The following DNPEP variants were observed in gnomAD, a reference collection of about 807,000 sequenced individuals.
DNPEP encodes the protein aspartyl aminopeptidase.
A neutral mutation model predicts 59.1 loss-of-function variants in DNPEP; 46 were observed. The ratio of observed to expected loss-of-function variants is 0.78; its 90% CI spans 0.61 to 0.99. The LOEUF (loss-of-function observed/expected upper bound fraction) is 0.99. Among genes scored for constraint, DNPEP ranks in the 50% least tolerant of loss-of-function variants. The pLI, the probability that DNPEP is intolerant of heterozygous loss-of-function variation, is 0.00. For synonymous variants in DNPEP, 229 were observed against 242.2 expected (o/e 0.95, Z 0.50); for missense variants, 617 against 649.9 (o/e 0.95, Z 0.55).
At chr2:219,383,051 GC>G (rs1324325585) in intron 10 of DNPEP, 79 bp downstream of exon 10, 3 of 1,363,410 alleles carry the variant, frequency 2.2e-6, no homozygotes, top group Admixed American at 1.8e-5. Flanking sequence ...AAGAGCCCTG[GC>G]TCACGGTGGA....
rs910747097 is a variant in DNPEP, at chr2:219,373,226, G to A, written c.*1066C>T. 1.5e-4 allele frequency among the ~76,000 whole-genome samples: 23 copies of A among 151,364 alleles called. No homozygotes were observed. The highest frequency in any genetic ancestry group is 5.6e-4 in the African/African-American group (23 of 41,108). The stretch of plus-strand genomic sequence containing the variant: ...TGAGATTACAGGCATGTGCCACCAC[G>A]CCCGGCTAATTTTGTATTTTTAGCA... On this transcript the variant is annotated 3_prime_UTR_variant, in exon 15 of 15. Transcript: ENST00000273075.
chr2:219,387,923 C>T (rs1953924295), upstream of DNPEP: 8 of 1,370,366 alleles, frequency 5.8e-6, no homozygotes, highest in Non-Finnish European at 7.5e-6. Context: ...CCCGGCCGCG[C>T]CGCCCCGCCC....
chr2:219,375,295 C>T (rs1953326413), intron 13 of DNPEP, among the ~76,000 whole-genome samples: 1 of 152,108 alleles, frequency 6.6e-6, no homozygotes, highest in African/African-American at 2.4e-5. Flanking sequence ...CACCCTCTTG[C>T]TTAATATCCA....
chr2:219,375,111 G>A (rs762892537), intron 13 of DNPEP, 89 bp from the exon 14 acceptor site: 201 of 1,414,578 alleles, frequency 1.4e-4, no homozygotes, highest in Admixed American at 1.8e-4. Flanking sequence ...AGGGTGGGAA[G>A]GGGCCTGGGA....
In DNPEP at chr2:219,373,741, A is replaced by G. The variant is rs2125122047; in HGVS notation, c.*551T>C. On this transcript the variant is annotated 3_prime_UTR_variant, in exon 15 of 15. Coordinates refer to ENST00000273075, the MANE Select transcript of DNPEP (RefSeq NM_012100.4). The stretch of plus-strand genomic sequence containing the variant: ...TGTTCACAATCAAGTAATACCAGGG[A>G]CTGCTGAGAAGTGGATGATGAAGGG... 6.5e-6 allele frequency: 1 copy of G among 153,046 alleles called. No homozygotes were observed. Among genetic ancestry groups the G allele is most frequent in the Admixed American group, 6.5e-5 (1 of 15,318 alleles). The allele number at this position is 153,046 out of a possible 1,614,324, so 9.5% of individuals were successfully genotyped here. A position where few individuals can be genotyped will look rare whatever the true frequency, so the allele number is the denominator to read the frequency against.
chr2:219,381,082 A>G (rs1330951455), intron 13 of DNPEP, among the ~76,000 whole-genome samples: 2 of 152,202 alleles, frequency 1.3e-5, no homozygotes, highest in African/African-American at 4.8e-5. Context: ...AGGCATCACT[A>G]TCACCCCTAT....
chr2:219,387,037 C>A, intron 2 of DNPEP, 33 bp downstream of exon 2: 2 of 1,611,750 alleles, frequency 1.2e-6, no homozygotes, highest in Non-Finnish European at 1.7e-6. Context: ...GCATCAGCCT[C>A]CACCCTCCTC....
chr2:219,380,981 C>G (rs1352043468), intron 13 of DNPEP, among the ~76,000 whole-genome samples: 1 of 152,256 alleles, frequency 6.6e-6, no homozygotes, highest in Non-Finnish European at 1.5e-5. Context: ...GTAGGAGACA[C>G]AGGGGAAGTG....
intron 13 of DNPEP, among the ~76,000 whole-genome samples, chr2:219,377,071 C>T (rs1413911014): frequency 2.6e-5 from 4 of 151,860 alleles, no homozygotes; most frequent in Admixed American, 2.0e-4. Flanking sequence ...GTCAGGAGTT[C>T]AAGACCAGTC....
intron 14 of DNPEP, 21 bp from the exon 15 acceptor site, chr2:219,374,363 G>A: frequency 2.5e-6 from 4 of 1,612,496 alleles, no homozygotes; most frequent in Non-Finnish European, 2.5e-6. Context: ...AGGCAACATG[G>A]AGTTTGGAAT....
chr2:219,383,236 G>A (rs376116443), intron 9 of DNPEP, 22 bp from the exon 10 acceptor site: 74 of 1,607,414 alleles, frequency 4.6e-5, no homozygotes, highest in Non-Finnish European at 6.1e-5. Flanking sequence ...AAGGAAATGA[G>A]AGCATCATCT....
chr2:219,381,647 C>T, intron 11 of DNPEP, 63 bp from the exon 12 acceptor site: 2 of 1,532,418 alleles, frequency 1.3e-6, no homozygotes, highest in Non-Finnish European at 1.8e-6. Context: ...CACTCACCAC[C>T]CTCCCATGGC....
At chr2:219,390,328 G>A (rs536394813), upstream of DNPEP, among the ~76,000 whole-genome samples, 21 of 152,238 alleles carry the variant, frequency 1.4e-4, no homozygotes, top group South Asian at 4.1e-3. Context: ...AAACGATCAA[G>A]CTATTATTAG....
intron 1 of DNPEP, among the ~76,000 whole-genome samples, chr2:219,396,165 G>C (rs1451865743): frequency 2.6e-5 from 4 of 152,136 alleles, no homozygotes; most frequent in Non-Finnish European, 5.9e-5. Flanking sequence ...CTATGAAGGA[G>C]TAGCTCAGGA....
At chr2:219,391,346 C>G (rs990914673), upstream of DNPEP, among the ~76,000 whole-genome samples, 8 of 152,078 alleles carry the variant, frequency 5.3e-5, no homozygotes, top group Non-Finnish European at 1.2e-4. Context: ...GTAAATGTTC[C>G]CCGTGGCCGA....
In DNPEP at chr2:219,373,072, TTC is replaced by T. The variant is rs1953240945; in HGVS notation, c.*1218_*1219del. On this transcript the variant is annotated 3_prime_UTR_variant, in exon 15 of 15. Coordinates refer to ENST00000273075, the MANE Select transcript of DNPEP (RefSeq NM_012100.4). ...ATAAGCAGGCTTTGACTTTTTCTTT[TTC>T]TTTTTTTTTTTTTGAGAGAGTTTCA... 2.6e-5 allele frequency among the ~76,000 whole-genome samples: 4 copies of T among 151,534 alleles called. No homozygotes were observed. The highest frequency in any genetic ancestry group is 2.6e-4 in the Admixed American group (4 of 15,230).
intron 4 of DNPEP, 109 bp downstream of exon 4, chr2:219,386,556 T>G (rs559785814): frequency 7.0e-7 from 1 of 1,437,454 alleles, no homozygotes; most frequent in East Asian, 2.3e-5. Context: ...AAGTTTACCT[T>G]CTCCCTTACT....
At position 219,386,626 on chromosome 2, in the gene DNPEP, G is replaced by A. The variant is rs373348463; in HGVS notation, c.333+39C>T. 2.6e-4 allele frequency: 412 copies of A among 1,569,926 alleles called. 1 individual carries two copies. The highest frequency in any genetic ancestry group is 6.6e-4 in the African/African-American group (49 of 74,372). On this transcript the variant is annotated intron_variant, in intron 4 of 14. Coordinates refer to ENST00000273075, the MANE Select transcript of DNPEP (RefSeq NM_012100.4). Reference sequence around the variant, plus strand: ...TTCTCTTTTGCCCTGTACTCCCTCTGACATCTCCTCCCACCCCAACACCGT... The same window carrying A: ...TTCTCTTTTGCCCTGTACTCCCTCTAACATCTCCTCCCACCCCAACACCGT...
intron 1 of DNPEP, among the ~76,000 whole-genome samples, chr2:219,393,927 C>T (rs1303372342): frequency 3.3e-5 from 5 of 152,142 alleles, no homozygotes; most frequent in African/African-American, 1.2e-4. Context: ...CTCTTGCTTA[C>T]GTAAGGGCAC....
Sources: gnomAD v4.1 joint callset for allele counts (sites outside exome capture counted in the v4.1 genomes callset) on GRCh38, gnomAD v4.1.1 for gene constraint, MANE v1.5 for transcripts, NCBI Gene and HGNC (gene_info 2026-07-23, HGNC 2026-07-21) for gene names.